The following CDK16 variants were observed in gnomAD, a reference collection of about 807,000 sequenced individuals.
CDK16 encodes the protein cyclin-dependent kinase 16.
Under a neutral mutation model 41.6 loss-of-function variants are expected in CDK16, and 2 were observed. The ratio of observed to expected loss-of-function variants is 0.05; its 90% CI spans 0.02 to 0.15. The LOEUF is 0.15. CDK16 is among the 10% of genes least tolerant of loss of function. The probability of loss-of-function intolerance (pLI) is 1.00; values close to 1 mark genes in which losing one functional copy is unlikely to be tolerated. For missense variants in CDK16, 228 were observed against 428.9 expected (o/e 0.53, Z 4.14); for synonymous variants, 169 against 169.7 (o/e 1.00, Z 0.03).
chrX:47,228,310 C>T, intron 14 of CDK16: 1 of 337,981 alleles, frequency 3.0e-6, no homozygotes, highest in Non-Finnish European at 5.1e-6. Flanking sequence ...CCACCCATCA[C>T]CTAGACTTAA....
Position 47,226,599 on chromosome X carries a change from G to C in CDK16, c.933G>C (p.Lys311Asn), listed in dbSNP as rs766614624. Residue 311 changes from lysine to asparagine, a missense_variant, in exon 10 of 16, where the codon AAG (lysine) becomes AAC (asparagine). Transcript: ENST00000357227. ...GATTTCCAGGCCTGGCCCGAGCCAA[G>C]TCAATCCCAACAAAGACATACTCCA... ...KLADFGLARA[K>N]SIPTKTYSNE... is the part of the protein sequence containing the mutation. 1 of 1,211,489 alleles carries C rather than the reference G, an allele frequency of 8.3e-7. No individual in the cohort carries two copies. The highest frequency in any genetic ancestry group is 1.1e-6 in the Non-Finnish European group (1 of 895,134).
Position 47,218,838 on chromosome X carries a change from C to A in CDK16, c.-274C>A. 1 of 1,139,156 alleles carries A rather than the reference C, an allele frequency of 8.8e-7. No individual in the cohort carries two copies. Among genetic ancestry groups the A allele is most frequent in the South Asian group, 1.9e-5 (1 of 51,752 alleles). 93.9% of individuals were successfully genotyped at this position (1,139,156 alleles called of 1,213,427 possible). ...TGAGCACTCGGATTCAAGCCGGCGC[C>A]AACGAGTCCGGGGGCATCGCCCGCA... On this transcript the variant is annotated 5_prime_UTR_variant, in exon 1 of 16. Transcript: ENST00000357227.
Position 47,229,908 on chromosome X carries a change from G to A in CDK16, c.*1140G>A, listed in dbSNP as rs772950050. 2 of 112,828 alleles carry A rather than the reference G, an allele frequency of 1.8e-5. No individual in the cohort carries two copies. The highest frequency in any genetic ancestry group is 6.4e-5 in the African/African-American group (2 of 31,025). 9.3% of individuals were successfully genotyped at this position (112,828 alleles called of 1,213,427 possible). A position where few individuals can be genotyped will look rare whatever the true frequency, so the allele number is the denominator to read the frequency against. ...GCCCTGAAATGGGGTGGGAGGGCAGGGGTGGGAGCCCTCCTAGTGGGTTTG... is the reference window on the plus strand; with the variant it reads ...GCCCTGAAATGGGGTGGGAGGGCAGAGGTGGGAGCCCTCCTAGTGGGTTTG... On this transcript the variant is annotated 3_prime_UTR_variant, in exon 16 of 16. Transcript: ENST00000357227.
intron 6 of CDK16, 34 bp from the exon 7 acceptor site, chrX:47,225,738 C>T (rs1406938919): frequency 5.6e-6 from 6 of 1,076,810 alleles, no homozygotes; most frequent in Non-Finnish European, 7.8e-6. Context: ...AGGACCCTGA[C>T]TCTTCCCCTG....
chrX:47,226,519 T>A, intron 9 of CDK16, 64 bp from the exon 10 acceptor site: 2 of 1,198,341 alleles, frequency 1.7e-6, no homozygotes, highest in Non-Finnish European at 2.3e-6. Context: ...CAGTCTCAAC[T>A]GCACTCTCCC....
At chrX:47,225,193 C>A in intron 6 of CDK16, 91 bp downstream of exon 6, 1 of 569,671 alleles carries the variant, frequency 1.8e-6, no homozygotes, top group Non-Finnish European at 2.9e-6. Context: ...GTTCTAAGAC[C>A]CCCCAAAACA....
At chrX:47,218,660 C>G (rs1556796027), upstream of CDK16, 3 of 1,168,240 alleles carry the variant, frequency 2.6e-6, no homozygotes, top group South Asian at 1.9e-5. Flanking sequence ...TACATGCAGT[C>G]CGAGGTGAGT....
chrX:47,222,970 C>CCGGGTAGATGAA, intron 1 of CDK16: 7 of 875,927 alleles, frequency 8.0e-6, no homozygotes, highest in South Asian at 3.1e-5. Context: ...CCCCCCCCAC[C>CCGGGTAGATGAA]TGGGTAGATG....
intron 1 of CDK16, among the ~76,000 whole-genome samples, chrX:47,220,061 T>C (rs1346603739): frequency 9.1e-6 from 1 of 109,905 alleles, no homozygotes; most frequent in African/African-American, 3.3e-5. Context: ...AGTGTGTCCA[T>C]GGACACAGGG....
intron 1 of CDK16, among the ~76,000 whole-genome samples, chrX:47,220,621 G>A (rs1164063142): frequency 9.1e-6 from 1 of 109,885 alleles, no homozygotes; most frequent in African/African-American, 3.3e-5. Flanking sequence ...AGGACTGTGT[G>A]AGGCCCGGCG....
Position 47,227,285 on chromosome X carries a change from C to G in CDK16, c.1284+62C>G, listed in dbSNP as rs756085092. 225 of 1,120,140 alleles carry G rather than the reference C, an allele frequency of 2.0e-4. 1 individual carries two copies. The highest frequency in any genetic ancestry group is 2.6e-4 in the Non-Finnish European group (216 of 819,738). 92.3% of individuals were successfully genotyped at this position (1,120,140 alleles called of 1,213,427 possible). ...TTCCAAGTGTGGGGAAACAGGGACC[C>G]CCCCCCTCAAACCAGGGGCAGGGTC... is the stretch of plus-strand genomic sequence containing the variant. On this transcript the variant is annotated intron_variant, in intron 13 of 15. Coordinates refer to ENST00000357227, the MANE Select transcript of CDK16 (RefSeq NM_006201.5).
At position 47,228,995 on chromosome X, in the gene CDK16, GGTCT is replaced by G. The variant is rs1317590950; in HGVS notation, c.*236_*239del. 3 of 485,688 alleles carry G rather than the reference GGTCT, an allele frequency of 6.2e-6. No individual in the cohort carries two copies. The highest frequency in any genetic ancestry group is 7.4e-6 in the Non-Finnish European group (2 of 270,868). The allele number at this position is 485,688 out of a possible 1,213,427, so 40.0% of individuals were successfully genotyped here. A position where few individuals can be genotyped will look rare whatever the true frequency, so the allele number is the denominator to read the frequency against. ...CAAAGCTCTCATCACTCCTTCACTT[GGTCT>G]GTCTGTCTCTGTCTTGGTAGTTGCC... On this transcript the variant is annotated 3_prime_UTR_variant, in exon 16 of 16. Transcript: ENST00000357227.
chrX:47,226,573 T>C lies in CDK16; in HGVS notation c.917-10T>C, dbSNP rs1389426238. On this transcript the variant is annotated splice_polypyrimidine_tract_variant and intron_variant, in intron 9 of 15. Coordinates refer to ENST00000357227, the MANE Select transcript of CDK16 (RefSeq NM_006201.5). ...TCCCTCATTCTAGCTGTCCTTTCTCTGATTTCCAGGCCTGGCCCGAGCCAA... is the reference window on the plus strand; with the variant it reads ...TCCCTCATTCTAGCTGTCCTTTCTCCGATTTCCAGGCCTGGCCCGAGCCAA... The C allele has an allele frequency of 1.7e-5, 20 of 1,209,392 alleles. No homozygotes were observed. The highest frequency in any genetic ancestry group is 2.1e-5 in the Non-Finnish European group (19 of 894,070).
rs1429740941 is a variant in CDK16 at position 47,218,994 on chromosome X, C to T, written c.-118C>T. 7.9e-6 allele frequency: 7 copies of T among 891,712 alleles called. No homozygotes were observed. In the African/African-American group the frequency reaches 1.3e-4, roughly 17 times the overall value. 73.5% of individuals were successfully genotyped at this position (891,712 alleles called of 1,213,427 possible). ...CATGGCTGAAGACTACTGGGACGGG[C>T]GCCTGCGGCGAACAGGAGGAGAAGG... is the stretch of plus-strand genomic sequence containing the variant. On this transcript the variant is annotated 5_prime_UTR_variant, in exon 1 of 16. Coordinates refer to ENST00000357227, the MANE Select transcript of CDK16 (RefSeq NM_006201.5).
chrX:47,219,919 G>A (rs1937264354), intron 1 of CDK16, among the ~76,000 whole-genome samples: 1 of 110,668 alleles, frequency 9.0e-6, no homozygotes, highest in Non-Finnish European at 1.9e-5. Flanking sequence ...AGGAAGGACT[G>A]TGGAATACCT....
chrX:47,218,639 G>C (rs782777311), upstream of CDK16: 7 of 1,164,227 alleles, frequency 6.0e-6, no homozygotes, highest in African/African-American at 1.3e-4. Context: ...CGCTGCGGAC[G>C]GGTCCTTTGG....
At chrX:47,227,155 A>G (rs1435746829) in intron 12 of CDK16, 26 bp from the exon 13 acceptor site, 1 of 1,208,075 alleles carries the variant, frequency 8.3e-7, no homozygotes, top group African/African-American at 1.8e-5. Context: ...CTCATTTTAA[A>G]TCAGGTCTCT....
chrX:47,226,209 G>A, intron 8 of CDK16, 70 bp from the exon 9 acceptor site: 1 of 1,187,989 alleles, frequency 8.4e-7, no homozygotes, highest in Non-Finnish European at 1.1e-6. Flanking sequence ...TTTGGGAGGG[G>A]AGCAGTGCCT....
rs1273210455 is a variant in CDK16, at chrX:47,228,750, G to A, written c.1473G>A (p.Val491=). 2 of 1,209,947 alleles carry A rather than the reference G, an allele frequency of 1.7e-6. No individual in the cohort carries two copies. Among genetic ancestry groups the A allele is most frequent in the Non-Finnish European group, 2.2e-6 (2 of 894,440 alleles). Residue 491 remains valine, a synonymous_variant, in exon 16 of 16, where the codon GTG becomes GTA. Coordinates refer to ENST00000357227, the MANE Select transcript of CDK16 (RefSeq NM_006201.5). ...CCACAGGCAGGCCAGCTTTCCGCGT[G>A]GTGGACACCGAGTTCTAAGCCACAG... ...MPDSGRPAFR[V]VDTEF
Sources: gnomAD v4.1 joint callset for allele counts (sites outside exome capture counted in the v4.1 genomes callset) on GRCh38, gnomAD v4.1.1 for gene constraint, MANE v1.5 for transcripts, NCBI Gene and HGNC (gene_info 2026-07-23, HGNC 2026-07-21) for gene names.